The following ARHGEF28 variants were observed in gnomAD, a reference collection of about 807,000 sequenced individuals.
ARHGEF28 encodes the protein 190 kDa guanine nucleotide exchange factor.
Under a neutral mutation model 206.6 loss-of-function variants are expected in ARHGEF28, and 152 were observed. The observed-to-expected ratio is 0.74, with a 90% CI of 0.64 to 0.84. The LOEUF (loss-of-function observed/expected upper bound fraction) is 0.84. ARHGEF28 is among the 40% of genes least tolerant of loss of function. ARHGEF28 has a pLI of 0.00. For synonymous variants in ARHGEF28, 763 were observed against 776.4 expected (o/e 0.98, Z 0.29); for missense variants, 2,028 against 2,073.2 (o/e 0.98, Z 0.42).
chr5:73,717,126 A>G (rs1749631989), intron 2 of ARHGEF28, among the ~76,000 whole-genome samples: 2 of 152,182 alleles, frequency 1.3e-5, no homozygotes, highest in Admixed American at 1.3e-4. Context: ...TAGGTAGCTC[A>G]GGTTAATTAA....
At chr5:73,877,648 C>T (rs1760613478) in intron 22 of ARHGEF28, among the ~76,000 whole-genome samples, 1 of 149,574 alleles carries the variant, frequency 6.7e-6, no homozygotes, top group Non-Finnish European at 1.5e-5. Context: ...TTTCAAAGAA[C>T]ATCTTTATTT....
rs372280585 is a variant in ARHGEF28 at position 73,883,770 on chromosome 5, C to T, written c.2941C>T (p.Arg981Ter). 9.7e-6 allele frequency: 15 copies of T among 1,540,960 alleles called. No homozygotes were observed. Among genetic ancestry groups the T allele is most frequent in the South Asian group, 7.5e-5 (6 of 80,348 alleles). ...ATAAAAGTATATATTTTTTAAGCTC[C>T]GAAATAGTAATCTTTTGGCTCGACG... The part of the protein sequence containing the change: ...NKKFQNFIKL[R>*]NSNLLARRRG... Residue 981 changes from arginine (R) to a stop codon, truncating the protein, a stop_gained, in exon 24 of 36, where the codon CGA (arginine) becomes TGA (stop). Transcript: ENST00000513042. LOFTEE classifies it high-confidence loss of function.
chr5:73,758,503 G>C (rs1752429790), intron 4 of ARHGEF28, among the ~76,000 whole-genome samples: 1 of 152,162 alleles, frequency 6.6e-6, no homozygotes, highest in African/African-American at 2.4e-5. Flanking sequence ...TATGGAACAG[G>C]TGCATTCTTT....
chr5:73,857,815 T>C (rs367963725), intron 15 of ARHGEF28, 36 bp downstream of exon 15: 9 of 1,582,484 alleles, frequency 5.7e-6, no homozygotes, highest in Non-Finnish European at 7.7e-6. Context: ...CTATAAAATA[T>C]AGACATTTTA....
At chr5:73,746,622 G>A (rs1751732464) in intron 2 of ARHGEF28, among the ~76,000 whole-genome samples, 1 of 152,038 alleles carries the variant, frequency 6.6e-6, no homozygotes, top group African/African-American at 2.4e-5. Flanking sequence ...GGATTTTTAT[G>A]TTAGATATTG....
chr5:73,890,870 T>C (rs1258934343), intron 26 of ARHGEF28, among the ~76,000 whole-genome samples: 1 of 152,240 alleles, frequency 6.6e-6, no homozygotes, highest in African/African-American at 2.4e-5. Context: ...CTTGAAGTCA[T>C]TCTTTTGGCC....
intron 21 of ARHGEF28, among the ~76,000 whole-genome samples, chr5:73,871,980 T>A (rs1319634211): frequency 6.6e-6 from 1 of 152,226 alleles, no homozygotes; most frequent in Non-Finnish European, 1.5e-5. Context: ...GTTTTCCTAA[T>A]CATCAATTGA....
chr5:73,713,073 A>C (rs576553695), intron 2 of ARHGEF28, among the ~76,000 whole-genome samples: 2 of 152,310 alleles, frequency 1.3e-5, no homozygotes, highest in South Asian at 4.1e-4. Context: ...AATGAAATAA[A>C]ATTACTGTAT....
chr5:73,722,550 T>C (rs1750025562), intron 2 of ARHGEF28, among the ~76,000 whole-genome samples: 1 of 152,264 alleles, frequency 6.6e-6, no homozygotes, highest in Non-Finnish European at 1.5e-5. Flanking sequence ...GTTTATCTTT[T>C]AGGAAGACCC....
chr5:73,728,525 G>A (rs1051916000), intron 2 of ARHGEF28, among the ~76,000 whole-genome samples: 6 of 152,174 alleles, frequency 3.9e-5, no homozygotes, highest in Non-Finnish European at 8.8e-5. Context: ...ATATAACAAA[G>A]CCCTCTTTTA....
chr5:73,714,489 A>C (rs1749449615), intron 2 of ARHGEF28, among the ~76,000 whole-genome samples: 1 of 152,282 alleles, frequency 6.6e-6, no homozygotes, highest in Admixed American at 6.5e-5. Flanking sequence ...TCAGAAGAGA[A>C]TGCCCAGGAA....
chr5:73,873,204 G>A lies in ARHGEF28; in HGVS notation c.2772G>A (p.Arg924=). ...RRQESCAGSD[R]NFVIDRIGDI... ...AGGAATCCTGTGCTGGCAGCGACAGGAATTTTGTGATCGACCGAATTGGAG... is the reference window on the plus strand; with the variant it reads ...AGGAATCCTGTGCTGGCAGCGACAGAAATTTTGTGATCGACCGAATTGGAG... The change falls in exon 22 of 36, where the codon AGG becomes AGA. Residue 924 remains arginine (R), a synonymous_variant. Coordinates refer to ENST00000513042, the MANE Select transcript of ARHGEF28 (RefSeq NM_001177693.2). The A allele has an allele frequency of 6.2e-7, 1 of 1,611,844 alleles. No homozygotes were observed. Among genetic ancestry groups the A allele is most frequent in the Non-Finnish European group, 8.5e-7 (1 of 1,179,064 alleles).
intron 35 of ARHGEF28, among the ~76,000 whole-genome samples, chr5:73,936,018 A>T (rs564397236): frequency 1.3e-5 from 2 of 152,200 alleles, no homozygotes; most frequent in Non-Finnish European, 2.9e-5. Context: ...TTGACAGTGG[A>T]TGTTTATGAG....
chr5:73,747,681 A>G (rs1310345332), intron 2 of ARHGEF28, among the ~76,000 whole-genome samples: 1 of 152,122 alleles, frequency 6.6e-6, no homozygotes, highest in Non-Finnish European at 1.5e-5. Context: ...GTTACCATAT[A>G]AGAGACTTTT....
At chr5:73,734,692 A>G (rs1750807649) in intron 2 of ARHGEF28, among the ~76,000 whole-genome samples, 1 of 152,316 alleles carries the variant, frequency 6.6e-6, no homozygotes, top group Middle Eastern at 3.4e-3. Context: ...TTGATCTTCT[A>G]AACAGATGGT....
At chr5:73,880,048 G>A (rs1181509920) in intron 22 of ARHGEF28, among the ~76,000 whole-genome samples, 1 of 152,168 alleles carries the variant, frequency 6.6e-6, no homozygotes, top group Non-Finnish European at 1.5e-5. Flanking sequence ...TACAGAGGCA[G>A]GCAGGCCTCC....
intron 7 of ARHGEF28, among the ~76,000 whole-genome samples, chr5:73,791,944 G>A: frequency 6.6e-6 from 1 of 152,148 alleles, no homozygotes; most frequent in East Asian, 1.9e-4. Context: ...TGAGTGGTTT[G>A]ATTGCACTGT....
intron 1 of ARHGEF28, among the ~76,000 whole-genome samples, chr5:73,651,974 G>A (rs541537075): frequency 1.3e-5 from 2 of 152,318 alleles, no homozygotes; most frequent in East Asian, 3.9e-4. Flanking sequence ...AGGCTTCGGA[G>A]ACCTGTGAAG....
intron 2 of ARHGEF28, 61 bp from the exon 3 acceptor site, chr5:73,749,776 T>C: frequency 6.3e-7 from 1 of 1,589,446 alleles, no homozygotes; most frequent in South Asian, 1.1e-5. Flanking sequence ...TCCTTTGTAT[T>C]GTGCTTTCTT....
Sources: gnomAD v4.1 joint callset for allele counts (sites outside exome capture counted in the v4.1 genomes callset) on GRCh38, gnomAD v4.1.1 for gene constraint, MANE v1.5 for transcripts, NCBI Gene and HGNC (gene_info 2026-07-23, HGNC 2026-07-21) for gene names.